The following CLTCL1 variants were observed in gnomAD, a reference collection of about 807,000 sequenced individuals.
CLTCL1 encodes the protein clathrin heavy chain 2.
CLTCL1 carries 159 observed loss-of-function variants against 190.0 expected under a neutral mutation model. The ratio of observed to expected loss-of-function variants is 0.84; its 90% CI spans 0.74 to 0.95. CLTCL1 has a LOEUF of 0.95. Ranked by LOEUF, CLTCL1 falls within the 40% of genes least tolerant of loss-of-function variation. CLTCL1 has a pLI of 0.00. For synonymous variants in CLTCL1, 752 were observed against 769.6 expected (o/e 0.98, Z 0.38); for missense variants, 1,878 against 2,033.4 (o/e 0.92, Z 1.47).
chr22:19,221,592 A>G lies in CLTCL1; in HGVS notation c.2581T>C (p.Trp861Arg). ...KRNRLKLLLPWLESQIQEGCE... is the reference protein window; with the variant it reads ...KRNRLKLLLPRLESQIQEGCE... ...CCTTCCTGAATCTGGGACTCCAGCC[A>G]GGGAAGCAGCAGCTTGAGCCTTTGA... is the stretch of plus-strand genomic sequence containing the variant. Residue 861 changes from tryptophan to arginine, a missense_variant, in exon 17 of 33, where the codon TGG becomes CGG. Trp to Arg is a moderately radical substitution (Grantham distance 101, BLOSUM62 -3). Transcript: ENST00000427926. 6.3e-7 allele frequency: 1 copy of G among 1,592,074 alleles called. No homozygotes were observed. The highest frequency in any genetic ancestry group is 2.3e-5 in the East Asian group (1 of 44,102).
chr22:19,191,456 G>T, intron 26 of CLTCL1, 21 bp from the exon 27 acceptor site: 1 of 1,611,246 alleles, frequency 6.2e-7, no homozygotes, highest in South Asian at 1.1e-5. Context: ...CAAAGCTGAG[G>T]GTCAGTCCCT....
At chr22:19,249,412 A>C (rs968165973) in intron 3 of CLTCL1, among the ~76,000 whole-genome samples, 2 of 152,128 alleles carry the variant, frequency 1.3e-5, no homozygotes, top group African/African-American at 4.8e-5. Flanking sequence ...TTTTTAAAAT[A>C]TATATTTGCA....
At position 19,236,324 on chromosome 22, in the gene CLTCL1, G is replaced by A. The variant is rs555643658; in HGVS notation, c.796-455C>T. Among the ~76,000 whole-genome samples the A allele has an allele frequency of 3.1e-4, 47 of 152,194 alleles. 1 individual carries two copies. In the South Asian group the frequency reaches 4.6e-3, roughly 15 times the overall value. Reference sequence around the variant, plus strand: ...TAGAGCGATCCTTTCACAGTTTATCGAACCCCTTTAAGCAAGCTGTGAGTT... The same window carrying A: ...TAGAGCGATCCTTTCACAGTTTATCAAACCCCTTTAAGCAAGCTGTGAGTT... On this transcript the variant is annotated intron_variant, in intron 5 of 32. Transcript: ENST00000427926.
intron 29 of CLTCL1, chr22:19,184,380 C>T (rs1427121185): frequency 3.9e-5 from 17 of 431,238 alleles, no homozygotes; most frequent in South Asian, 2.5e-4. Flanking sequence ...TGCCTGCCAT[C>T]GCCTGCAGCA....
chr22:19,180,682 C>G, intron 31 of CLTCL1, 49 bp downstream of exon 31: 1 of 1,591,852 alleles, frequency 6.3e-7, no homozygotes. Context: ...GACTTTGACT[C>G]CCTCCCTGCT....
At chr22:19,212,592 A>AAAGAAAG (rs1270485857) in intron 19 of CLTCL1, among the ~76,000 whole-genome samples, 10 of 149,928 alleles carry the variant, frequency 6.7e-5, no homozygotes, top group Middle Eastern at 3.4e-3. Context: ...AAAGAGAAAG[A>AAAGAAAG]AAGAAAGAAA....
Position 19,209,111 on chromosome 22 carries a change from G to A in CLTCL1, c.3253C>T (p.Leu1085=), listed in dbSNP as rs781932546. The change falls in exon 21 of 33, where the codon CTG becomes TTG. Residue 1085 remains leucine, a synonymous_variant. Transcript: ENST00000427926. Reference sequence around the variant, plus strand: ...TCCAGGTTTCCAATGTGCTCGATCAGGACCTAGGGGTTATGAGAGGACTTC... The same window carrying A: ...TCCAGGTTTCCAATGTGCTCGATCAAGACCTAGGGGTTATGAGAGGACTTC... The part of the protein sequence containing the change: ...FDMNASAIQV[L]IEHIGNLDRA... 2.0e-5 allele frequency: 32 copies of A among 1,593,804 alleles called. No homozygotes were observed. Among genetic ancestry groups the A allele is most frequent in the Non-Finnish European group, 2.7e-5 (31 of 1,168,492 alleles).
chr22:19,191,228 A>G (rs1555931781), intron 27 of CLTCL1, 76 bp downstream of exon 27: 1 of 1,564,966 alleles, frequency 6.4e-7, no homozygotes, highest in Non-Finnish European at 8.7e-7. Context: ...AACTCTTTAT[A>G]AAGGTGCTAT....
Position 19,257,971 on chromosome 22 carries a change from C to T in CLTCL1, c.251-3744G>A, listed in dbSNP as rs538119343. The T allele has an allele frequency of 9.4e-5, 63 of 673,784 alleles. No homozygotes were observed. The East Asian group carries it at 1.6e-3, about 17-fold the overall frequency. 41.7% of individuals were successfully genotyped at this position (673,784 alleles called of 1,614,324 possible). A position where few individuals can be genotyped will look rare whatever the true frequency, so the allele number is the denominator to read the frequency against. On this transcript the variant is annotated intron_variant, in intron 2 of 32. Transcript: ENST00000427926. The stretch of plus-strand genomic sequence containing the variant: ...CAAATTCTGTGGACAATGCCTTCAT[C>T]GTTCTGCACACTGACAATGCCCATC...
At chr22:19,277,773 T>C (rs1423771703) in intron 1 of CLTCL1, among the ~76,000 whole-genome samples, 1 of 152,216 alleles carries the variant, frequency 6.6e-6, no homozygotes, top group Non-Finnish European at 1.5e-5. Context: ...AGACACCACC[T>C]AGTTATCCTA....
chr22:19,250,314 C>G (rs1315277598), intron 3 of CLTCL1, among the ~76,000 whole-genome samples: 2 of 148,550 alleles, frequency 1.3e-5, no homozygotes, highest in East Asian at 3.9e-4. Context: ...CATCACTTTT[C>G]TGGGACTCAT....
At chr22:19,213,111 C>A (rs536303602) in intron 19 of CLTCL1, among the ~76,000 whole-genome samples, 63 of 152,230 alleles carry the variant, frequency 4.1e-4, no homozygotes, top group African/African-American at 1.4e-3. Context: ...ATACAAAGAA[C>A]TCTGAAAACT....
At position 19,223,888 on chromosome 22, in the gene CLTCL1, C is replaced by T. The variant is rs782206628; in HGVS notation, c.2292+3G>A. 6.2e-7 allele frequency: 1 copy of T among 1,613,376 alleles called. No individual in the cohort carries two copies. Among genetic ancestry groups the T allele is most frequent in the Non-Finnish European group, 8.5e-7 (1 of 1,179,852 alleles). On this transcript the variant is annotated splice_donor_region_variant and intron_variant, in intron 14 of 32. Transcript: ENST00000427926. ...CATGGAAGGAGGCAGCACTGGAACA[C>T]ACCTTCAGGAAGTTCTTCACACGCT...
At chr22:19,252,992 T>A (rs1555970831) in intron 3 of CLTCL1, among the ~76,000 whole-genome samples, 1 of 126,496 alleles carries the variant, frequency 7.9e-6, no homozygotes, top group Non-Finnish European at 1.6e-5. Context: ...CCAGCTTGGG[T>A]GACAGAGTAA....
chr22:19,207,978 A>T, intron 22 of CLTCL1, 176 bp downstream of exon 22: 1 of 716,476 alleles, frequency 1.4e-6, no homozygotes, highest in Non-Finnish European at 2.5e-6. Flanking sequence ...AATAAAGTGG[A>T]CAATAAATGT....
intron 19 of CLTCL1, among the ~76,000 whole-genome samples, chr22:19,212,581 GAA>G (rs1569177471): frequency 1.3e-4 from 15 of 115,336 alleles, no homozygotes; most frequent in Middle Eastern, 5.6e-3. Context: ...AAGAAAGAAA[GAA>G]AGAGAAAGAA....
intron 29 of CLTCL1, among the ~76,000 whole-genome samples, chr22:19,187,128 C>T (rs1055013035): frequency 2.6e-5 from 4 of 151,600 alleles, no homozygotes; most frequent in African/African-American, 9.7e-5. Flanking sequence ...CTTGCCATGT[C>T]GCCTAGGCTG....
intron 2 of CLTCL1, among the ~76,000 whole-genome samples, chr22:19,261,578 G>A (rs1279307905): frequency 2.6e-5 from 4 of 152,172 alleles, no homozygotes; most frequent in Non-Finnish European, 4.4e-5. Context: ...CAGGAATTTG[G>A]AAGAAGTGTA....
At chr22:19,217,892 A>G (rs71313917) in intron 18 of CLTCL1, among the ~76,000 whole-genome samples, 1 of 151,992 alleles carries the variant, frequency 6.6e-6, no homozygotes, top group African/African-American at 2.4e-5. Flanking sequence ...CCTTGGAGCA[A>G]CTTAAATAAA....
Sources: allele counts gnomAD v4.1 joint callset (sites outside exome capture counted in the v4.1 genomes callset), GRCh38; gene constraint gnomAD v4.1.1; transcripts MANE v1.5; gene names NCBI Gene and HGNC (gene_info 2026-07-23, HGNC 2026-07-21).